Variants in FBXO42 observed in about 807,000 individuals in gnomAD.
FBXO42 encodes the protein F-box protein 42.
A neutral mutation model predicts 71.7 loss-of-function variants in FBXO42; 12 were observed. The observed-to-expected ratio is 0.17, with a 90% CI of 0.11 to 0.27. The LOEUF (loss-of-function observed/expected upper bound fraction) is 0.27, where lower values mean the gene tolerates loss of function less well. Among genes scored for constraint, FBXO42 ranks in the 10% least tolerant of loss-of-function variants. The probability of loss-of-function intolerance (pLI) is 1.00; values close to 1 mark genes in which losing one functional copy is unlikely to be tolerated. For missense variants in FBXO42, 707 were observed against 911.9 expected (o/e 0.78, Z 2.89); for synonymous variants, 325 against 327.5 (o/e 0.99, Z 0.08).
intron 1 of FBXO42, among the ~76,000 whole-genome samples, chr1:16,325,671 G>A (rs1196124885): frequency 6.6e-6 from 1 of 151,604 alleles, no homozygotes; most frequent in South Asian, 2.1e-4. Context: ...TTGTTGTTTT[G>A]TTTTTGAGAG....
intron 2 of FBXO42, among the ~76,000 whole-genome samples, chr1:16,307,523 C>CA (rs796835478): frequency 0.034 from 4,243 of 126,002 alleles, 190 homozygotes; most frequent in African/African-American, 0.11. Flanking sequence ...AAAAAACAAG[C>CA]AAAAAAAAAA....
chr1:16,312,038 CAA>C (rs375969379), intron 2 of FBXO42, among the ~76,000 whole-genome samples: 1 of 149,980 alleles, frequency 6.7e-6, no homozygotes, highest in Non-Finnish European at 1.5e-5. Context: ...TCAGCACTAA[CAA>C]AAAAAAAGCT....
chr1:16,265,338 G>A lies in FBXO42; in HGVS notation c.503-8579C>T, dbSNP rs545346298. Among the ~76,000 whole-genome samples the A allele has an allele frequency of 2.6e-5, 4 of 152,160 alleles. No homozygotes were observed. The South Asian group carries it at 8.3e-4, about 32-fold the overall frequency. On this transcript the variant is annotated intron_variant, in intron 4 of 9. Coordinates refer to ENST00000375592, the MANE Select transcript of FBXO42 (RefSeq NM_018994.3). Reference sequence around the variant, plus strand: ...ACTCCCAACCTCAGGTGGTCCTCCCGTCTTGGCCCCCCAAAGTGCTGGGAT... The same window carrying A: ...ACTCCCAACCTCAGGTGGTCCTCCCATCTTGGCCCCCCAAAGTGCTGGGAT...
At chr1:16,332,375 A>C (rs2082508810) in intron 1 of FBXO42, among the ~76,000 whole-genome samples, 1 of 152,142 alleles carries the variant, frequency 6.6e-6, no homozygotes, top group Non-Finnish European at 1.5e-5. Context: ...AAATATATCT[A>C]TTATTCTCCA....
chr1:16,317,278 C>T (rs562440336), intron 1 of FBXO42, among the ~76,000 whole-genome samples: 4 of 152,146 alleles, frequency 2.6e-5, no homozygotes, highest in African/African-American at 9.6e-5. Flanking sequence ...ATTAGCTGGG[C>T]GTGGTAGCGT....
At chr1:16,270,527 T>TA (rs1006025854) in intron 4 of FBXO42, among the ~76,000 whole-genome samples, 8 of 151,672 alleles carry the variant, frequency 5.3e-5, no homozygotes, top group African/African-American at 1.7e-4. Flanking sequence ...ATCCTTCACT[T>TA]ATTCACCAGA....
rs187891699 is a variant in FBXO42 at position 16,287,202 on chromosome 1, C to A, written c.502+7581G>T. Among the ~76,000 whole-genome samples the A allele has an allele frequency of 1.8e-3, 275 of 152,342 alleles. 1 individual carries two copies. Among genetic ancestry groups the A allele is most frequent in the Non-Finnish European group, 3.3e-3 (225 of 68,034 alleles). On this transcript the variant is annotated intron_variant, in intron 4 of 9. Coordinates refer to ENST00000375592, the MANE Select transcript of FBXO42 (RefSeq NM_018994.3). ...GTATCCCTTGACTATATCAAGCACACTCCCAACTCTGGGTCTTTGCACTGA... is the reference window on the plus strand; with the variant it reads ...GTATCCCTTGACTATATCAAGCACAATCCCAACTCTGGGTCTTTGCACTGA...
intron 1 of FBXO42, among the ~76,000 whole-genome samples, chr1:16,348,625 C>T (rs748223701): frequency 6.6e-6 from 1 of 152,002 alleles, no homozygotes; most frequent in Non-Finnish European, 1.5e-5. Context: ...CGCTGGAACC[C>T]GGGAGGTAGA....
At chr1:16,298,722 C>G (rs1479993123) in intron 3 of FBXO42, among the ~76,000 whole-genome samples, 1 of 152,182 alleles carries the variant, frequency 6.6e-6, no homozygotes, top group Non-Finnish European at 1.5e-5. Context: ...GTTGGCCAGG[C>G]TGGTCTCGAA....
chr1:16,332,952 A>G (rs2082513968), intron 1 of FBXO42, among the ~76,000 whole-genome samples: 1 of 152,138 alleles, frequency 6.6e-6, no homozygotes, highest in East Asian at 1.9e-4. Context: ...ACAGATTTCA[A>G]TTCAGTCATC....
intron 4 of FBXO42, among the ~76,000 whole-genome samples, chr1:16,277,767 G>A (rs1484891649): frequency 2.0e-5 from 3 of 151,576 alleles, no homozygotes; most frequent in Non-Finnish European, 2.9e-5. Flanking sequence ...CAGGCTGGGC[G>A]TGGTGGCTCA....
chr1:16,345,136 T>G (rs188911298), intron 1 of FBXO42, among the ~76,000 whole-genome samples: 7 of 151,778 alleles, frequency 4.6e-5, no homozygotes, highest in African/African-American at 1.7e-4. Context: ...ATATATATAT[T>G]TTCTGAGCCA....
At chr1:16,305,269 GC>G (rs1221300965) in intron 3 of FBXO42, among the ~76,000 whole-genome samples, 4 of 151,642 alleles carry the variant, frequency 2.6e-5, no homozygotes, top group African/African-American at 7.3e-5. Flanking sequence ...GCACCTGTGG[GC>G]CCAGCTACTC....
chr1:16,276,164 G>T (rs1250410792), intron 4 of FBXO42, among the ~76,000 whole-genome samples: 1 of 151,788 alleles, frequency 6.6e-6, no homozygotes, highest in Non-Finnish European at 1.5e-5. Context: ...GGTGGATCAC[G>T]AGGTCAGGAG....
At chr1:16,302,693 A>G (rs2082207295) in intron 3 of FBXO42, among the ~76,000 whole-genome samples, 1 of 152,128 alleles carries the variant, frequency 6.6e-6, no homozygotes, top group Admixed American at 6.6e-5. Flanking sequence ...TATTTTTAGT[A>G]GAGACGGGGT....
chr1:16,297,154 A>G (rs1569877835), intron 3 of FBXO42, among the ~76,000 whole-genome samples: 1 of 152,056 alleles, frequency 6.6e-6, no homozygotes, highest in African/African-American at 2.4e-5. Flanking sequence ...GTGTTGGCCA[A>G]GCTGGTCTCG....
chr1:16,301,652 C>T (rs2082195709), intron 3 of FBXO42, among the ~76,000 whole-genome samples: 2 of 128,052 alleles, frequency 1.6e-5, no homozygotes, highest in Non-Finnish European at 3.2e-5. Flanking sequence ...GCTTGGGTGA[C>T]AGAGTGAGAC....
intron 1 of FBXO42, among the ~76,000 whole-genome samples, chr1:16,350,661 C>T (rs186242133): frequency 3.1e-3 from 448 of 144,742 alleles, no homozygotes; most frequent in African/African-American, 9.2e-3. Context: ...GCAGGAGAAT[C>T]GCTTAAACCC....
intron 4 of FBXO42, among the ~76,000 whole-genome samples, chr1:16,278,597 G>A (rs936810998): frequency 3.9e-5 from 6 of 152,028 alleles, no homozygotes; most frequent in Non-Finnish European, 8.8e-5. Context: ...ATTTCCTGGT[G>A]ATATTACCAC....
Sources: allele counts gnomAD v4.1 joint callset (sites outside exome capture counted in the v4.1 genomes callset), GRCh38; gene constraint gnomAD v4.1.1; transcripts MANE v1.5; gene names NCBI Gene and HGNC (gene_info 2026-07-23, HGNC 2026-07-21).